ASAH2B: variants seen among roughly 807,000 people sequenced by gnomAD.
ASAH2B encodes N-acylsphingosine amidohydrolase 2B.
In ASAH2B, 1 loss-of-function variant was observed where a neutral mutation model predicts 2.9. That is an observed-to-expected ratio of 0.34 (90% CI 0.12 to 1.63). The LOEUF is 1.63. Among genes scored for constraint, ASAH2B ranks in the 40% most tolerant of loss-of-function variants. The pLI is 0.36. For synonymous variants in ASAH2B, 4 were observed against 13.3 expected, an observed-to-expected ratio of 0.30 and a Z score of 1.52; for missense variants, 9 against 37.7, an observed-to-expected ratio of 0.24 and a Z score of 1.99.
rs534991881 is a variant in ASAH2B, at chr10:50,741,469, A to G, written c.-99-1446A>G. Among the ~76,000 whole-genome samples the G allele has an allele frequency of 3.3e-3, 507 of 152,376 alleles. 3 individuals carry two copies. The highest frequency in any genetic ancestry group is 0.012 in the African/African-American group (494 of 41,584). The stretch of plus-strand genomic sequence containing the variant: ...TCATGAAAGGCATGCACAAGGTGTT[A>G]TAAAAATAAAGAGAAAGAGCACCAG... On this transcript the variant is annotated intron_variant, in intron 1 of 5. Transcript: ENST00000647317.
At chr10:50,754,086 C>T (rs1837028876) in intron 5 of ASAH2B, among the ~76,000 whole-genome samples, 1 of 147,338 alleles carries the variant, frequency 6.8e-6, no homozygotes, top group Non-Finnish European at 1.5e-5. Flanking sequence ...CTTACTGTAC[C>T]CTCAGTACTT....
chr10:50,740,464 T>C (rs1839812541), intron 1 of ASAH2B, among the ~76,000 whole-genome samples: 1 of 152,164 alleles, frequency 6.6e-6, no homozygotes, highest in South Asian at 2.1e-4. Context: ...ATAAAGACTT[T>C]CTGTTTCCGC....
At chr10:50,754,325 C>A (rs1479848952) in intron 5 of ASAH2B, among the ~76,000 whole-genome samples, 2 of 111,552 alleles carry the variant, frequency 1.8e-5, no homozygotes, top group African/African-American at 7.5e-5. Context: ...AAAGGTAGAA[C>A]AAGTAAAGCT....
At chr10:50,747,511 C>T (rs961245346) in intron 3 of ASAH2B, among the ~76,000 whole-genome samples, 1 of 151,636 alleles carries the variant, frequency 6.6e-6, no homozygotes, top group Non-Finnish European at 1.5e-5. Context: ...TGTTTCCAAT[C>T]TTAGTAGAAA....
chr10:50,759,189 A>AGACTCTTCC lies in ASAH2B; in HGVS notation c.*4449_*4450insGACTCTTCC, dbSNP rs1389925203. 8.4e-5 allele frequency: 7 copies of AGACTCTTCC among 83,196 alleles called. No individual in the cohort carries two copies. The highest frequency in any genetic ancestry group is 1.9e-4 in the Non-Finnish European group (5 of 26,294). 5.2% of individuals were successfully genotyped at this position (83,196 alleles called of 1,614,324 possible). ...CTTGTATTAGCATTTTTCCCCCTTG[A>AGACTCTTCC]CATCAATGTCCTTGAATGTATTTGC... On this transcript the variant is annotated 3_prime_UTR_variant, in exon 6 of 6. Coordinates refer to ENST00000647317, the MANE Select transcript of ASAH2B (RefSeq NM_001321958.2).
At position 50,754,860 on chromosome 10, in the gene ASAH2B, G is replaced by A. The variant is rs1396427913; in HGVS notation, c.*120G>A. 2 of 178,100 alleles carry A rather than the reference G, an allele frequency of 1.1e-5. No individual in the cohort carries two copies. Among genetic ancestry groups the A allele is most frequent in the African/African-American group, 8.0e-5 (2 of 24,938 alleles). 11.0% of individuals were successfully genotyped at this position (178,100 alleles called of 1,614,324 possible). On this transcript the variant is annotated 3_prime_UTR_variant, in exon 6 of 6. Transcript: ENST00000647317. ...ACTTCTATAATCGTCCCTGTTTGGG[G>A]ACAGATAGTTTACTGCTAATGGGGT...
rs1837154405 is a variant in ASAH2B, at chr10:50,759,243, C to T, written c.*4503C>T. 7.0e-6 allele frequency: 1 copy of T among 143,068 alleles called. No individual in the cohort carries two copies. Among genetic ancestry groups the T allele is most frequent in the Non-Finnish European group, 1.6e-5 (1 of 63,898 alleles). 8.9% of individuals were successfully genotyped at this position (143,068 alleles called of 1,614,324 possible). ...TTGCTCTAATAATAAAATACACTTTCTATAACCAAAAACTTACCTCGACTC... is the reference window on the plus strand; with the variant it reads ...TTGCTCTAATAATAAAATACACTTTTTATAACCAAAAACTTACCTCGACTC... On this transcript the variant is annotated 3_prime_UTR_variant, in exon 6 of 6. Transcript: ENST00000647317.
chr10:50,741,485 A>G (rs1839830501), intron 1 of ASAH2B, among the ~76,000 whole-genome samples: 1 of 152,254 alleles, frequency 6.6e-6, no homozygotes, highest in Non-Finnish European at 1.5e-5. Context: ...ATAAAGAGAA[A>G]GAGCACCAGC....
Position 50,744,134 on chromosome 10 carries a change from T to C in ASAH2B, c.-3-994T>C, listed in dbSNP as rs530022689. Among the ~76,000 whole-genome samples the C allele has an allele frequency of 1.1e-3, 172 of 151,754 alleles. 3 individuals are homozygous for C. The highest frequency in any genetic ancestry group is 6.8e-3 in the Middle Eastern group (2 of 294). On this transcript the variant is annotated intron_variant, in intron 2 of 5. Transcript: ENST00000647317. ...ATTTCTATTATAAAATCCAAATCTA[T>C]TTGTAGGTCATTCAGATTATACAGA...
chr10:50,742,317 C>G (rs910654709), intron 1 of ASAH2B, among the ~76,000 whole-genome samples: 3 of 152,024 alleles, frequency 2.0e-5, no homozygotes, highest in Non-Finnish European at 4.4e-5. Flanking sequence ...GCCGGCTGAT[C>G]CTCACATGGG....
chr10:50,740,703 C>A (rs1301838536), intron 1 of ASAH2B, among the ~76,000 whole-genome samples: 1 of 152,114 alleles, frequency 6.6e-6, no homozygotes, highest in Non-Finnish European at 1.5e-5. Context: ...GAAATGGCAC[C>A]CTTTCCCGCT....
chr10:50,742,337 A>G (rs943480305), intron 1 of ASAH2B, among the ~76,000 whole-genome samples: 4 of 152,166 alleles, frequency 2.6e-5, no homozygotes, highest in Admixed American at 1.3e-4. Context: ...GAGACTGGAA[A>G]GATGACATTC....
intron 5 of ASAH2B, among the ~76,000 whole-genome samples, chr10:50,754,213 T>C (rs1192052874): frequency 2.3e-4 from 34 of 150,608 alleles, no homozygotes; most frequent in African/African-American, 8.1e-4. Flanking sequence ...AAAATAAGTG[T>C]CAGATAAGGG....
At chr10:50,747,142 T>C (rs1839919827) in intron 3 of ASAH2B, among the ~76,000 whole-genome samples, 1 of 150,662 alleles carries the variant, frequency 6.6e-6, no homozygotes, top group Non-Finnish European at 1.5e-5. Context: ...TAGTTTCAGG[T>C]TTTATATTTA....
chr10:50,743,700 T>A (rs1448734508), intron 2 of ASAH2B: 2 of 151,298 alleles, frequency 1.3e-5, no homozygotes, highest in East Asian at 1.9e-4. Context: ...ATCTTCCCTT[T>A]GGATGCAGTT....
chr10:50,740,679 G>C (rs1354033541), intron 1 of ASAH2B, among the ~76,000 whole-genome samples: 1 of 152,062 alleles, frequency 6.6e-6, no homozygotes, highest in African/African-American at 2.4e-5. Context: ...ATTAATACAG[G>C]ACCTTAATTG....
At chr10:50,740,767 A>T (rs1225734754) in intron 1 of ASAH2B, among the ~76,000 whole-genome samples, 2 of 152,208 alleles carry the variant, frequency 1.3e-5, no homozygotes, top group African/African-American at 4.8e-5. Context: ...TAAAAAACTC[A>T]CTAATTCAGT....
At chr10:50,740,514 G>A (rs1839813724) in intron 1 of ASAH2B, among the ~76,000 whole-genome samples, 1 of 152,108 alleles carries the variant, frequency 6.6e-6, no homozygotes, top group South Asian at 2.1e-4. Flanking sequence ...ACTCACTTCT[G>A]TGCTCCAGTA....
intron 1 of ASAH2B, among the ~76,000 whole-genome samples, chr10:50,740,440 C>T (rs543790542): frequency 1.2e-3 from 181 of 152,324 alleles, no homozygotes; most frequent in Non-Finnish European, 2.0e-3. Flanking sequence ...TGTTCCTTGA[C>T]GTTATGGTGA....
Sources: gnomAD v4.1 joint callset for allele counts (sites outside exome capture counted in the v4.1 genomes callset) on GRCh38, gnomAD v4.1.1 for gene constraint, MANE v1.5 for transcripts, NCBI Gene and HGNC (gene_info 2026-07-23, HGNC 2026-07-21) for gene names.